The following DOCK1 variants were observed in gnomAD, a reference collection of about 807,000 sequenced individuals.
DOCK1 encodes the protein dedicator of cytokinesis protein 1.
DOCK1 carries 138 observed loss-of-function variants against 262.7 expected under a neutral mutation model. That is an observed-to-expected ratio of 0.53 (90% confidence interval 0.46 to 0.61). The LOEUF (loss-of-function observed/expected upper bound fraction) is 0.61. Ranked by LOEUF, DOCK1 falls within the 20% of genes least tolerant of loss-of-function variation. The probability of loss-of-function intolerance (pLI) is 0.00; values close to 1 mark genes in which losing one functional copy is unlikely to be tolerated. For synonymous variants in DOCK1, 866 were observed against 867.4 expected (o/e 1.00, Z 0.03); for missense variants, 1,908 against 2,370.7 (o/e 0.80, Z 4.05).
At position 127,176,520 on chromosome 10, in the gene DOCK1, G is replaced by A. The variant is rs2055178351; in HGVS notation, c.2847+48756G>A. ...GTTTCCTAATTATATTTAAGCAGGT[G>A]AGGTCGGCCTTTATGTTAAGGAAAA... On this transcript the variant is annotated intron_variant, in intron 27 of 51. Coordinates refer to ENST00000623213, the MANE Select transcript of DOCK1 (RefSeq NM_001290223.2). The surrounding 1 kb of genome is among the most constrained non-coding windows in gnomAD (Gnocchi z 4.4). The A allele has an allele frequency of 1.2e-6, 1 of 815,828 alleles. No homozygotes were observed. The highest frequency in any genetic ancestry group is 2.6e-5 in the East Asian group (1 of 37,830). The allele number at this position is 815,828 out of a possible 1,614,324, so 50.5% of individuals were successfully genotyped here.
rs763873410 is a variant in DOCK1, at chr10:127,374,091, C to G, written c.3552C>G (p.Leu1184=). ...LLEHCRKHKY[L]AKTGETFVKL... ...AACACTGCAGGAAGCACAAATACCT[C>G]GCCAAAACAGGAGAAACTTTTGTAA... The change falls in exon 35 of 52, where the codon CTC becomes CTG. Residue 1184 remains leucine, a synonymous_variant. Coordinates refer to ENST00000623213, the MANE Select transcript of DOCK1 (RefSeq NM_001290223.2). 3.1e-6 allele frequency: 5 copies of G among 1,613,072 alleles called. No homozygotes were observed. The highest frequency in any genetic ancestry group is 1.1e-5 in the South Asian group (1 of 90,834).
At chr10:127,030,470 C>A (rs1020666075) in intron 16 of DOCK1, among the ~76,000 whole-genome samples, 2 of 152,214 alleles carry the variant, frequency 1.3e-5, no homozygotes, top group African/African-American at 4.8e-5. Flanking sequence ...CCTCTTCCTG[C>A]AGCATTGACA....
intron 30 of DOCK1, among the ~76,000 whole-genome samples, chr10:127,341,422 T>G (rs2063420386): frequency 6.6e-6 from 1 of 152,186 alleles, no homozygotes; most frequent in African/African-American, 2.4e-5. Context: ...GATAGCTGAG[T>G]TTCTCTTTTA....
At chr10:126,977,832 G>C in intron 2 of DOCK1, 116 bp from the exon 3 acceptor site, 1 of 989,372 alleles carries the variant, frequency 1.0e-6, no homozygotes, top group South Asian at 1.5e-5. Context: ...AAAAATGCTG[G>C]TGACAAACTG....
intron 1 of DOCK1, among the ~76,000 whole-genome samples, chr10:126,948,081 GA>G (rs2035707670): frequency 7.2e-6 from 1 of 137,936 alleles, no homozygotes; most frequent in African/African-American, 2.8e-5. Context: ...TGTTGGTGGT[GA>G]TGGTGGTGGT....
chr10:126,997,747 T>G (rs1234050994), intron 7 of DOCK1: 2 of 263,018 alleles, frequency 7.6e-6, no homozygotes, highest in Non-Finnish European at 7.5e-6. Flanking sequence ...GAAGACATAA[T>G]GATACATGAG....
intron 27 of DOCK1, among the ~76,000 whole-genome samples, chr10:127,162,701 C>G (rs979866877): frequency 2.0e-5 from 3 of 152,162 alleles, no homozygotes; most frequent in Admixed American, 6.5e-5. Context: ...GTTATTTCTA[C>G]TTAGTGTTCT....
At chr10:126,982,374 T>G (rs761375957) in intron 4 of DOCK1, among the ~76,000 whole-genome samples, 1 of 152,110 alleles carries the variant, frequency 6.6e-6, no homozygotes, top group Non-Finnish European at 1.5e-5. Context: ...GAAGCAACAG[T>G]TGTTAAATTG....
intron 16 of DOCK1, among the ~76,000 whole-genome samples, chr10:127,027,993 C>T (rs1368966817): frequency 6.7e-6 from 1 of 150,336 alleles, no homozygotes; most frequent in Non-Finnish European, 1.5e-5. Context: ...TGGGGCCCGG[C>T]CTGGGATGTG....
chr10:126,939,324 C>G (rs2134238410), intron 1 of DOCK1, among the ~76,000 whole-genome samples: 1 of 152,300 alleles, frequency 6.6e-6, no homozygotes, highest in East Asian at 1.9e-4. Flanking sequence ...GGACATCAGA[C>G]CATAGCAGTA....
At chr10:127,090,141 T>G (rs1166914911) in intron 23 of DOCK1, among the ~76,000 whole-genome samples, 1 of 152,112 alleles carries the variant, frequency 6.6e-6, no homozygotes, top group East Asian at 1.9e-4. Flanking sequence ...GGATTTTTTT[T>G]CCTGGGCAGG....
chr10:127,095,666 T>G (rs529683453), intron 23 of DOCK1, among the ~76,000 whole-genome samples: 1 of 149,586 alleles, frequency 6.7e-6, no homozygotes, highest in South Asian at 2.1e-4. Context: ...GGAAGCTGTG[T>G]GTGTGTGTGT....
At chr10:127,386,183 C>G (rs2066108432) in intron 38 of DOCK1, among the ~76,000 whole-genome samples, 1 of 152,116 alleles carries the variant, frequency 6.6e-6, no homozygotes, top group Non-Finnish European at 1.5e-5. Flanking sequence ...GATGCGGCAT[C>G]CTTTATTTGT....
At chr10:127,201,881 GA>G (rs1171772182) in intron 27 of DOCK1, among the ~76,000 whole-genome samples, 1 of 152,138 alleles carries the variant, frequency 6.6e-6, no homozygotes, top group African/African-American at 2.4e-5. Flanking sequence ...CGTCACTGGG[GA>G]GCCAACCTCT....
chr10:126,910,470 C>T (rs1206112572), intron 1 of DOCK1, among the ~76,000 whole-genome samples: 2 of 152,172 alleles, frequency 1.3e-5, no homozygotes, highest in East Asian at 3.9e-4. Context: ...CACCCTCCTT[C>T]CCTCCCTCCC....
intron 38 of DOCK1, among the ~76,000 whole-genome samples, chr10:127,390,787 G>A (rs922979646): frequency 6.6e-6 from 1 of 152,158 alleles, no homozygotes; most frequent in Non-Finnish European, 1.5e-5. Context: ...TCATTTGTTT[G>A]TATAGATTTC....
At chr10:127,395,060 T>C (rs76302612) in intron 38 of DOCK1, among the ~76,000 whole-genome samples, 4,098 of 152,180 alleles carry the variant, frequency 0.027, 179 homozygotes, top group African/African-American at 0.093. Context: ...AATTTCAGAG[T>C]GTGAGAATAG....
intron 1 of DOCK1, among the ~76,000 whole-genome samples, chr10:126,942,409 T>C (rs1373744839): frequency 6.6e-6 from 1 of 152,180 alleles, no homozygotes; most frequent in African/African-American, 2.4e-5. Flanking sequence ...CTAGGTTTCT[T>C]TTCGAGTGGG....
chr10:127,169,379 G>A (rs544323183), intron 27 of DOCK1, among the ~76,000 whole-genome samples: 1 of 152,210 alleles, frequency 6.6e-6, no homozygotes, highest in African/African-American at 2.4e-5. Context: ...ATGTTTGGCA[G>A]AAACCTTCTA....
Sources: gnomAD v4.1 joint callset for allele counts (sites outside exome capture counted in the v4.1 genomes callset) on GRCh38, gnomAD v4.1.1 for gene constraint, Gnocchi (gnomAD v3.1) non-coding constraint, MANE v1.5 for transcripts, NCBI Gene and HGNC (gene_info 2026-07-23, HGNC 2026-07-21) for gene names.